TYR: variants seen among roughly 807,000 people sequenced by gnomAD.
The protein encoded by TYR is tyrosinase.
A neutral mutation model predicts 51.5 loss-of-function variants in TYR; 58 were observed. The observed-to-expected ratio is 1.13, with a 90% CI of 0.91 to 1.40. The LOEUF (loss-of-function observed/expected upper bound fraction) is 1.40. Among genes scored for constraint, TYR ranks in the 40% most tolerant of loss-of-function variants. TYR has a pLI of 0.00. For missense variants in TYR, 732 were observed against 647.4 expected, an observed-to-expected ratio of 1.13 and a Z score of -1.42; for synonymous variants, 263 against 235.2, an observed-to-expected ratio of 1.12 and a Z score of -1.08.
At chr11:89,289,965 T>C (rs1944837629) in intron 4 of TYR, among the ~76,000 whole-genome samples, 1 of 152,054 alleles carries the variant, frequency 6.6e-6, no homozygotes, top group African/African-American at 2.4e-5. Context: ...GTAGACATTG[T>C]ACCAAGGGCT....
At chr11:89,230,757 G>A (rs1235543887) in intron 3 of TYR, among the ~76,000 whole-genome samples, 6 of 151,888 alleles carry the variant, frequency 4.0e-5, no homozygotes, top group Non-Finnish European at 7.4e-5. Flanking sequence ...ATATGCAAAC[G>A]TCCAACAGGT....
chr11:89,209,214 G>A (rs1184139400), intron 2 of TYR, among the ~76,000 whole-genome samples: 1 of 152,188 alleles, frequency 6.6e-6, no homozygotes, highest in Non-Finnish European at 1.5e-5. Flanking sequence ...ACTGTACCTG[G>A]AGGAACAGTA....
intron 3 of TYR, among the ~76,000 whole-genome samples, chr11:89,274,660 T>C (rs945854649): frequency 2.0e-5 from 3 of 151,890 alleles, no homozygotes; most frequent in Non-Finnish European, 4.4e-5. Context: ...ATAACAGGAA[T>C]TTGAAACAAG....
Position 89,212,694 on chromosome 11 carries a change from A to T in TYR, c.1037-15129A>T, listed in dbSNP as rs929218175. 4.6e-5 allele frequency among the ~76,000 whole-genome samples: 7 copies of T among 152,220 alleles called. No homozygotes were observed. The East Asian group carries it at 1.3e-3, about 29-fold the overall frequency. ...CATCGATGCGAAAATCCTCAATAAA[A>T]TACTGGCAAACTGAGTCCAACAGCA... On this transcript the variant is annotated intron_variant, in intron 2 of 4. Transcript: ENST00000263321.
intron 1 of TYR, among the ~76,000 whole-genome samples, chr11:89,183,285 G>A (rs1390266476): frequency 6.6e-6 from 1 of 151,796 alleles, no homozygotes; most frequent in Non-Finnish European, 1.5e-5. Context: ...CCCAGCATAT[G>A]TTATAAATCA....
chr11:89,264,892 A>G (rs1411851164), intron 3 of TYR, among the ~76,000 whole-genome samples: 3 of 152,058 alleles, frequency 2.0e-5, no homozygotes, highest in African/African-American at 7.2e-5. Flanking sequence ...TGCTTTTCTT[A>G]AGTGCCATTT....
chr11:89,194,925 G>C (rs568927612), intron 2 of TYR, among the ~76,000 whole-genome samples: 73 of 152,264 alleles, frequency 4.8e-4, no homozygotes, highest in African/African-American at 1.5e-3. Context: ...AATTAGCCAT[G>C]ACTCCAAGGA....
chr11:89,284,918 G>T lies in TYR; in HGVS notation c.1330G>T (p.Asp444Tyr). ...TGGTGATTTCTTTATTTCATCCAAA[G>T]ATCTGGGCTATGACTATAGCTATCT... is the stretch of plus-strand genomic sequence containing the variant. ...RNGDFFISSK[D>Y]LGYDYSYLQD... The change falls in exon 4 of 5, where the codon GAT becomes TAT. Residue 444 changes from aspartate to tyrosine, a missense_variant. By Grantham distance (160) the Asp-to-Tyr change is radical. Transcript: ENST00000263321. The T allele has an allele frequency of 6.2e-6, 10 of 1,611,720 alleles. No individual in the cohort carries two copies. The highest frequency in any genetic ancestry group is 8.5e-6 in the Non-Finnish European group (10 of 1,178,438).
At chr11:89,214,598 C>T (rs1021171959) in intron 2 of TYR, among the ~76,000 whole-genome samples, 1 of 152,216 alleles carries the variant, frequency 6.6e-6, no homozygotes, top group South Asian at 2.1e-4. Context: ...TATTGCGGAA[C>T]TATTTACAAT....
chr11:89,245,524 C>T (rs1254893041), intron 3 of TYR, among the ~76,000 whole-genome samples: 2 of 152,170 alleles, frequency 1.3e-5, no homozygotes, highest in Non-Finnish European at 2.9e-5. Context: ...ACTAGTCAAG[C>T]AGTGCAGTTA....
At chr11:89,206,544 G>A (rs1943674646) in intron 2 of TYR, among the ~76,000 whole-genome samples, 2 of 152,064 alleles carry the variant, frequency 1.3e-5, no homozygotes, top group Non-Finnish European at 2.9e-5. Context: ...AATTACAGTT[G>A]GAGAATTCAA....
At chr11:89,232,192 C>T (rs1944059238) in intron 3 of TYR, among the ~76,000 whole-genome samples, 1 of 142,850 alleles carries the variant, frequency 7.0e-6, no homozygotes, top group Admixed American at 6.9e-5. Context: ...AGGCACACAT[C>T]AAAATACTGT....
chr11:89,184,985 T>C (rs953966975), intron 1 of TYR, among the ~76,000 whole-genome samples: 1 of 152,286 alleles, frequency 6.6e-6, no homozygotes, highest in Admixed American at 6.5e-5. Flanking sequence ...TGCTTATAGA[T>C]AGCAAATTCA....
rs778881311 is a variant in TYR at position 89,178,560 on chromosome 11, G to T, written c.607G>T (p.Glu203Ter). 2.5e-6 allele frequency: 4 copies of T among 1,614,062 alleles called. No individual in the cohort carries two copies. In the African/African-American group the frequency reaches 5.3e-5, roughly 22 times the overall value. The stretch of plus-strand genomic sequence containing the variant: ...CTGGAGAGACATTGATTTTGCCCAT[G>T]AAGCACCAGCTTTTCTGCCTTGGCA... ...EIWRDIDFAH[E>*]APAFLPWHRL... is the part of the protein sequence containing the mutation. Residue 203 changes from glutamate (E) to a stop codon, truncating the protein, a stop_gained, in exon 1 of 5, where the codon GAA becomes TAA. Coordinates refer to ENST00000263321, the MANE Select transcript of TYR (RefSeq NM_000372.5). LOFTEE classifies it high-confidence loss of function.
intron 3 of TYR, among the ~76,000 whole-genome samples, chr11:89,279,875 T>C (rs1804617105): frequency 1.3e-5 from 2 of 151,894 alleles, no homozygotes; most frequent in Admixed American, 1.3e-4. Flanking sequence ...AGTGGGGAGT[T>C]ATATATAGTA....
chr11:89,191,659 C>T (rs181929402), intron 2 of TYR, among the ~76,000 whole-genome samples: 107 of 152,188 alleles, frequency 7.0e-4, no homozygotes, highest in African/African-American at 2.4e-3. Context: ...ACTTGGGAGG[C>T]TGTGACAGGT....
chr11:89,261,414 T>C (rs950060053), intron 3 of TYR, among the ~76,000 whole-genome samples: 53 of 152,080 alleles, frequency 3.5e-4, no homozygotes, highest in African/African-American at 1.3e-3. Flanking sequence ...TGAATAGGTA[T>C]ACTAATACCA....
chr11:89,198,406 A>G lies in TYR; in HGVS notation c.1036+6988A>G, dbSNP rs1166806392. On this transcript the variant is annotated intron_variant, in intron 2 of 4. Coordinates refer to ENST00000263321, the MANE Select transcript of TYR (RefSeq NM_000372.5). ...AATCAGAAACTCAGTAGTTTGGTGT[A>G]CCCTGACTCCGAGAGAGGCAGAAGG... Among the ~76,000 whole-genome samples the G allele has an allele frequency of 2.0e-5, 3 of 152,112 alleles. No homozygotes were observed. The East Asian group carries it at 5.8e-4, about 29-fold the overall frequency.
At chr11:89,235,634 G>A (rs1037358519) in intron 3 of TYR, among the ~76,000 whole-genome samples, 1 of 152,088 alleles carries the variant, frequency 6.6e-6, no homozygotes. Flanking sequence ...ACTCGTAGGA[G>A]TAGGAAATAG....
Sources: gnomAD v4.1 joint callset for allele counts (sites outside exome capture counted in the v4.1 genomes callset) on GRCh38, gnomAD v4.1.1 for gene constraint, MANE v1.5 for transcripts, NCBI Gene and HGNC (gene_info 2026-07-23, HGNC 2026-07-21) for gene names.